SLC26A7: variants seen among roughly 807,000 people sequenced by gnomAD.
The protein encoded by SLC26A7 is solute carrier family 26 member 7.
Under a neutral mutation model 82.5 loss-of-function variants are expected in SLC26A7, and 59 were observed. That is an observed-to-expected ratio of 0.72 (90% CI 0.58 to 0.89). The LOEUF (loss-of-function observed/expected upper bound fraction) is 0.89. Among genes scored for constraint, SLC26A7 ranks in the 40% least tolerant of loss-of-function variants. The pLI, the probability that SLC26A7 is intolerant of heterozygous loss-of-function variation, is 0.00. For synonymous variants in SLC26A7, 271 were observed against 274.3 expected, an observed-to-expected ratio of 0.99 and a Z score of 0.12; for missense variants, 820 against 793.0, an observed-to-expected ratio of 1.03 and a Z score of -0.41.
chr8:91,319,758 C>G (rs1325346971), intron 5 of SLC26A7, among the ~76,000 whole-genome samples: 2 of 152,188 alleles, frequency 1.3e-5, no homozygotes, highest in Non-Finnish European at 2.9e-5. Context: ...ATGGCCTGGC[C>G]TGCTTGTCGG....
At chr8:91,218,596 A>G (rs1390812265) in intron 1 of SLC26A7, among the ~76,000 whole-genome samples, 3 of 152,188 alleles carry the variant, frequency 2.0e-5, no homozygotes, top group African/African-American at 7.2e-5. Context: ...TAGATTCTGT[A>G]TCATTTTTTC....
intron 9 of SLC26A7, among the ~76,000 whole-genome samples, chr8:91,350,135 C>A (rs1813673319): frequency 6.6e-6 from 1 of 152,004 alleles, no homozygotes; most frequent in African/African-American, 2.4e-5. Flanking sequence ...ATGAGTTACA[C>A]AAACTATGGA....
At chr8:91,338,927 AAT>A (rs1813320677) in intron 7 of SLC26A7, among the ~76,000 whole-genome samples, 1 of 152,142 alleles carries the variant, frequency 6.6e-6, no homozygotes, top group African/African-American at 2.4e-5. Flanking sequence ...GAATCCTATA[AAT>A]TTTTATCTTC....
At chr8:91,324,293 A>T (rs1269912931) in intron 5 of SLC26A7, among the ~76,000 whole-genome samples, 1 of 152,242 alleles carries the variant, frequency 6.6e-6, no homozygotes, top group Non-Finnish European at 1.5e-5. Context: ...ACTTGTGCTA[A>T]CATCAGGTTC....
intron 2 of SLC26A7, among the ~76,000 whole-genome samples, chr8:91,228,266 C>T (rs1030809728): frequency 3.9e-5 from 6 of 152,234 alleles, no homozygotes; most frequent in South Asian, 2.1e-4. Flanking sequence ...TACGACAGCA[C>T]GGTAGTAAAC....
At chr8:91,273,601 A>G (rs556377148) in intron 2 of SLC26A7, among the ~76,000 whole-genome samples, 66 of 152,294 alleles carry the variant, frequency 4.3e-4, no homozygotes, top group African/African-American at 1.5e-3. Flanking sequence ...TAGAAACTCA[A>G]AGAGTGAAAT....
chr8:91,318,347 G>T lies in SLC26A7; in HGVS notation c.609G>T (p.Met203Ile), dbSNP rs755245272. 6.2e-7 allele frequency: 1 copy of T among 1,611,692 alleles called. No homozygotes were observed. Among genetic ancestry groups the T allele is most frequent in the Non-Finnish European group, 8.5e-7 (1 of 1,178,752 alleles). The change falls in exon 5 of 19, where the codon ATG (methionine) becomes ATT (isoleucine). Residue 203 changes from methionine to isoleucine, a missense_variant. Coordinates refer to ENST00000276609, the MANE Select transcript of SLC26A7 (RefSeq NM_052832.4). ...SQVKYLLGMK[M>I]PYISGPLGFF... ...TCAAATATCTCTTGGGAATGAAAAT[G>T]CCATATATATCCGGACCACTTGGAT...
intron 9 of SLC26A7, among the ~76,000 whole-genome samples, chr8:91,343,667 G>A (rs1813482074): frequency 6.6e-6 from 1 of 152,102 alleles, no homozygotes; most frequent in South Asian, 2.1e-4. Context: ...GATTCAACAA[G>A]GAAACTAAAA....
At chr8:91,375,955 T>G (rs548539946) in intron 15 of SLC26A7, among the ~76,000 whole-genome samples, 2 of 152,200 alleles carry the variant, frequency 1.3e-5, no homozygotes, top group South Asian at 4.1e-4. Context: ...TTTCTTTATT[T>G]TTCTGTCTGG....
Position 91,349,236 on chromosome 8 carries a change from C to A in SLC26A7, c.1141-2574C>A, listed in dbSNP as rs915748516. Reference sequence around the variant, plus strand: ...AAGGCAAGTGCGTCAAGGGAGCTAACATAACCCATTTGCTTATGGTCTATT... The same window carrying A: ...AAGGCAAGTGCGTCAAGGGAGCTAAAATAACCCATTTGCTTATGGTCTATT... On this transcript the variant is annotated intron_variant, in intron 9 of 18. Coordinates refer to ENST00000276609, the MANE Select transcript of SLC26A7 (RefSeq NM_052832.4). Among the ~76,000 whole-genome samples the A allele has an allele frequency of 2.0e-5, 3 of 146,366 alleles. No individual in the cohort carries two copies. The East Asian group carries it at 5.8e-4, about 28-fold the overall frequency.
chr8:91,340,554 G>A lies in SLC26A7; in HGVS notation c.1026+3G>A, dbSNP rs1813378224. The A allele has an allele frequency of 6.2e-7, 1 of 1,613,690 alleles. No individual in the cohort carries two copies. The highest frequency in any genetic ancestry group is 8.5e-7 in the Non-Finnish European group (1 of 1,179,834). On this transcript the variant is annotated splice_donor_region_variant and intron_variant, in intron 8 of 18. Coordinates refer to ENST00000276609, the MANE Select transcript of SLC26A7 (RefSeq NM_052832.4). ...AATATTCAATTGATGACAACCAGGT[G>A]GAGTGTGCCCCCAGTCCCTCTCCAC...
At chr8:91,277,145 C>T (rs756239362) in intron 2 of SLC26A7, among the ~76,000 whole-genome samples, 3 of 152,150 alleles carry the variant, frequency 2.0e-5, no homozygotes, top group Non-Finnish European at 4.4e-5. Context: ...CTAATGCACC[C>T]TCAGGAACCC....
intron 14 of SLC26A7, among the ~76,000 whole-genome samples, chr8:91,367,282 A>C (rs1487684295): frequency 6.6e-6 from 1 of 152,228 alleles, no homozygotes; most frequent in Non-Finnish European, 1.5e-5. Context: ...TGCTGGGATT[A>C]CAGGCGTGAG....
chr8:91,305,792 G>A (rs913042450), intron 4 of SLC26A7, among the ~76,000 whole-genome samples: 3 of 152,166 alleles, frequency 2.0e-5, no homozygotes, highest in African/African-American at 7.2e-5. Flanking sequence ...GGAGTAATGT[G>A]TACTTGGCTC....
chr8:91,299,835 G>C (rs1202832418), intron 4 of SLC26A7, among the ~76,000 whole-genome samples: 3 of 152,082 alleles, frequency 2.0e-5, no homozygotes, highest in Non-Finnish European at 4.4e-5. Flanking sequence ...AAGGCAAAGA[G>C]CAAACTAAAA....
At chr8:91,328,543 T>G (rs1204159094) in intron 5 of SLC26A7, among the ~76,000 whole-genome samples, 1 of 152,070 alleles carries the variant, frequency 6.6e-6, no homozygotes, top group Non-Finnish European at 1.5e-5. Context: ...TTCTTGCTAT[T>G]CTACTTATTC....
chr8:91,280,710 T>A lies in SLC26A7; in HGVS notation c.194-8426T>A, dbSNP rs117253167. Among the ~76,000 whole-genome samples, 1,006 of 152,328 alleles carry A rather than the reference T, an allele frequency of 6.6e-3. 4 individuals are homozygous for A. The highest frequency in any genetic ancestry group is 0.011 in the Non-Finnish European group (773 of 68,022). ...TTTTCTCTGCATCTGGCAATTCCTA[T>A]TGGTTTATTTTTCCGTCTTTTCATC... is the stretch of plus-strand genomic sequence containing the variant. On this transcript the variant is annotated intron_variant, in intron 2 of 18. Coordinates refer to ENST00000276609, the MANE Select transcript of SLC26A7 (RefSeq NM_052832.4).
intron 15 of SLC26A7, among the ~76,000 whole-genome samples, chr8:91,378,485 T>A (rs1442265711): frequency 6.8e-6 from 1 of 146,792 alleles, no homozygotes; most frequent in Non-Finnish European, 1.5e-5. Flanking sequence ...ATATATTAAA[T>A]TGATATATTT....
At chr8:91,328,875 T>A (rs1424264384) in intron 5 of SLC26A7, among the ~76,000 whole-genome samples, 3 of 152,134 alleles carry the variant, frequency 2.0e-5, no homozygotes, top group Non-Finnish European at 2.9e-5. Context: ...CAAGATGGAT[T>A]GTTTATGCAT....
Sources: gnomAD v4.1 joint callset for allele counts (sites outside exome capture counted in the v4.1 genomes callset) on GRCh38, gnomAD v4.1.1 for gene constraint, MANE v1.5 for transcripts, NCBI Gene and HGNC (gene_info 2026-07-23, HGNC 2026-07-21) for gene names.